EEA1: variants seen among roughly 807,000 people sequenced by gnomAD.
EEA1 encodes early endosome antigen 1, 162kD.
In EEA1, 111 loss-of-function variants were observed where a neutral mutation model predicts 209.2. The observed-to-expected ratio is 0.53, with a 90% CI of 0.45 to 0.62. The LOEUF is 0.62. EEA1 is among the 20% of genes least tolerant of loss of function. The pLI, the probability that EEA1 is intolerant of heterozygous loss-of-function variation, is 0.00. For synonymous variants in EEA1, 536 were observed against 540.6 expected (o/e 0.99, Z 0.12); for missense variants, 1,343 against 1,530.8 (o/e 0.88, Z 2.05).
intron 2 of EEA1, among the ~76,000 whole-genome samples, chr12:92,886,925 G>A (rs1235776003): frequency 1.3e-5 from 2 of 151,598 alleles, no homozygotes; most frequent in Non-Finnish European, 2.9e-5. Context: ...ATGAGCCTGG[G>A]AGGAGGAGTT....
At chr12:92,785,332 C>T (rs1231531066) in intron 22 of EEA1, among the ~76,000 whole-genome samples, 1 of 151,932 alleles carries the variant, frequency 6.6e-6, no homozygotes, top group Non-Finnish European at 1.5e-5. Flanking sequence ...CTACTGGTGT[C>T]TAGGTATATA....
intron 14 of EEA1, among the ~76,000 whole-genome samples, chr12:92,816,717 A>T (rs1344920537): frequency 6.6e-6 from 1 of 152,220 alleles, no homozygotes; most frequent in African/African-American, 2.4e-5. Context: ...CACAATCAAG[A>T]TAAAGAACAT....
At chr12:92,925,083 CCT>C (rs764479898) in intron 1 of EEA1, among the ~76,000 whole-genome samples, 2 of 151,262 alleles carry the variant, frequency 1.3e-5, no homozygotes, top group Non-Finnish European at 2.9e-5. Flanking sequence ...CTGAACAATT[CCT>C]CTCTCTTCCA....
At chr12:92,887,615 T>G (rs1879468805) in intron 2 of EEA1, among the ~76,000 whole-genome samples, 1 of 151,096 alleles carries the variant, frequency 6.6e-6, no homozygotes, top group Non-Finnish European at 1.5e-5. Flanking sequence ...ATGACCACGC[T>G]CCAGCCCAGG....
At position 92,927,324 on chromosome 12, in the gene EEA1, G is replaced by A. The variant is rs141821385; in HGVS notation, c.24+1719C>T. Among the ~76,000 whole-genome samples, 8 of 152,292 alleles carry A rather than the reference G, an allele frequency of 5.3e-5. No individual in the cohort carries two copies. The East Asian group carries it at 1.5e-3, about 29-fold the overall frequency. ...AGTCACAAATGCCAATAGCGCCGAC[G>A]TTAAGAAACTCAGTTGTCAACTGAC... On this transcript the variant is annotated intron_variant, in intron 1 of 28. Coordinates refer to ENST00000322349, the MANE Select transcript of EEA1 (RefSeq NM_003566.4).
At chr12:92,830,583 T>C (rs1021641885) in intron 11 of EEA1, among the ~76,000 whole-genome samples, 1 of 151,734 alleles carries the variant, frequency 6.6e-6, no homozygotes, top group African/African-American at 2.4e-5. Flanking sequence ...ATAAAAAGAA[T>C]ATTTCAGGTC....
At chr12:92,811,019 T>G (rs959491708) in intron 17 of EEA1, among the ~76,000 whole-genome samples, 1 of 152,072 alleles carries the variant, frequency 6.6e-6, no homozygotes, top group East Asian at 1.9e-4. Flanking sequence ...TTATCTGTCT[T>G]TGGAAAAAGT....
At chr12:92,801,956 T>G (rs59684636) in intron 19 of EEA1, among the ~76,000 whole-genome samples, 428 of 152,142 alleles carry the variant, frequency 2.8e-3, no homozygotes, top group African/African-American at 0.01. Context: ...AAATGATATC[T>G]TAGAACACTT....
At chr12:92,817,483 T>C (rs1430968783) in intron 14 of EEA1, among the ~76,000 whole-genome samples, 1 of 152,112 alleles carries the variant, frequency 6.6e-6, no homozygotes, top group African/African-American at 2.4e-5. Context: ...CTTCAGCCTC[T>C]AGAGTAGCTG....
At chr12:92,915,541 G>C (rs1458886235) in intron 1 of EEA1, among the ~76,000 whole-genome samples, 1 of 152,186 alleles carries the variant, frequency 6.6e-6, no homozygotes, top group Non-Finnish European at 1.5e-5. Flanking sequence ...TCCAATTGCA[G>C]TGACTTCATA....
At chr12:92,802,868 T>G (rs1339142541) in intron 18 of EEA1, 134 bp from the exon 19 acceptor site, 1 of 655,962 alleles carries the variant, frequency 1.5e-6, no homozygotes, top group Admixed American at 3.9e-5. Flanking sequence ...ATAATTTAAT[T>G]TCATAAAATC....
At chr12:92,911,442 T>C (rs764005843) in intron 1 of EEA1, among the ~76,000 whole-genome samples, 1 of 152,020 alleles carries the variant, frequency 6.6e-6, no homozygotes, top group Non-Finnish European at 1.5e-5. Context: ...AAGGCAAAAC[T>C]ATGAAAAAAG....
At chr12:92,798,808 C>A in intron 21 of EEA1, 84 bp downstream of exon 21, 7 of 1,043,354 alleles carry the variant, frequency 6.7e-6, no homozygotes, top group Non-Finnish European at 9.2e-6. Context: ...AATGTTGCAA[C>A]TTATCCATCT....
At chr12:92,869,555 C>T (rs553115174) in intron 2 of EEA1, among the ~76,000 whole-genome samples, 7 of 150,700 alleles carry the variant, frequency 4.6e-5, no homozygotes, top group African/African-American at 1.7e-4. Context: ...ACTACCCTAG[C>T]CAACATGGTG....
At chr12:92,893,751 CTTTT>C (rs1012345488) in intron 1 of EEA1, among the ~76,000 whole-genome samples, 1 of 150,616 alleles carries the variant, frequency 6.6e-6, no homozygotes, top group African/African-American at 2.4e-5. Flanking sequence ...CATTTTGCTA[CTTTT>C]TTTTTCAGAA....
chr12:92,827,628 T>C (rs1592722920), intron 12 of EEA1, among the ~76,000 whole-genome samples: 1 of 152,308 alleles, frequency 6.6e-6, no homozygotes, highest in Non-Finnish European at 1.5e-5. Flanking sequence ...AAGTAGTCCT[T>C]CCTGAGTAGG....
chr12:92,898,728 TCC>T (rs750240513), intron 1 of EEA1, among the ~76,000 whole-genome samples: 1 of 139,882 alleles, frequency 7.1e-6, no homozygotes, highest in Non-Finnish European at 1.5e-5. Flanking sequence ...TTCCTTTTTT[TCC>T]CTTTTTTTTT....
chr12:92,810,561 T>C (rs939683388), intron 17 of EEA1, among the ~76,000 whole-genome samples: 9 of 152,096 alleles, frequency 5.9e-5, no homozygotes, highest in Non-Finnish European at 1.0e-4. Flanking sequence ...TCTAAACTTA[T>C]ACACACACGC....
intron 1 of EEA1, among the ~76,000 whole-genome samples, chr12:92,913,513 C>T (rs1446907546): frequency 1.3e-5 from 2 of 152,132 alleles, no homozygotes; most frequent in African/African-American, 4.8e-5. Flanking sequence ...GCTGTACAGA[C>T]AATTTTTACT....
Sources: allele counts gnomAD v4.1 joint callset (sites outside exome capture counted in the v4.1 genomes callset), GRCh38; gene constraint gnomAD v4.1.1; transcripts MANE v1.5; gene names NCBI Gene and HGNC (gene_info 2026-07-23, HGNC 2026-07-21).